The following SERPINB12 variants were observed in gnomAD, a reference collection of about 807,000 sequenced individuals.
SERPINB12 encodes the protein serpin family B member 12.
In SERPINB12, 57 loss-of-function variants were observed where a neutral mutation model predicts 41.1. The ratio of observed to expected loss-of-function variants is 1.39; its 90% CI spans 1.12 to 1.73. SERPINB12 has a LOEUF of 1.73. SERPINB12 is among the 40% of genes most tolerant of loss of function. The pLI is 0.00. For missense variants in SERPINB12, 536 were observed against 501.9 expected (o/e 1.07, Z -0.65); for synonymous variants, 180 against 181.3 (o/e 0.99, Z 0.06).
chr18:63,557,733 G>A (rs1015961010), intron 2 of SERPINB12, among the ~76,000 whole-genome samples: 1 of 152,154 alleles, frequency 6.6e-6, no homozygotes, highest in Non-Finnish European at 1.5e-5. Flanking sequence ...AGGATATGAC[G>A]CCTGTCTCCT....
At chr18:63,558,082 C>T (rs1910738366) in intron 2 of SERPINB12, among the ~76,000 whole-genome samples, 1 of 151,944 alleles carries the variant, frequency 6.6e-6, no homozygotes, top group African/African-American at 2.4e-5. Context: ...TGAAATGCTC[C>T]ATAGTTACAT....
At chr18:63,561,262 T>A in intron 5 of SERPINB12, 60 bp downstream of exon 5, 1 of 998,042 alleles carries the variant, frequency 1.0e-6, no homozygotes, top group Non-Finnish European at 1.6e-6. Flanking sequence ...AAAATTGGTC[T>A]GCCTAGCTTT....
At chr18:63,561,408 C>T (rs550012216) in intron 5 of SERPINB12, among the ~76,000 whole-genome samples, 4 of 152,222 alleles carry the variant, frequency 2.6e-5, no homozygotes, top group African/African-American at 9.6e-5. Flanking sequence ...CAGATTCTGT[C>T]AAGGCTTCAG....
the SERPINB12 span, among the ~76,000 whole-genome samples, chr18:63,532,357 G>C: frequency 6.6e-6 from 1 of 152,164 alleles, no homozygotes; most frequent in Non-Finnish European, 1.5e-5. Context: ...GGCCACGTAG[G>C]TTATAGTAAG....
At chr18:63,531,977 A>T in the SERPINB12 span, among the ~76,000 whole-genome samples, 1 of 152,182 alleles carries the variant, frequency 6.6e-6, no homozygotes, top group South Asian at 2.1e-4. Context: ...ATTCCCACTG[A>T]TTTAAATAGT....
chr18:63,567,344 G>A lies in SERPINB12; in HGVS notation c.*333G>A, dbSNP rs1013075150. On this transcript the variant is annotated 3_prime_UTR_variant, in exon 8 of 8. Coordinates refer to ENST00000382768, the MANE Select transcript of SERPINB12 (RefSeq NM_001307928.2). ...GTCATTAGACCATTTCTAAGAGATGGCAAACTCAGAAGCCACTTTAACATG... is the reference window on the plus strand; with the variant it reads ...GTCATTAGACCATTTCTAAGAGATGACAAACTCAGAAGCCACTTTAACATG... Among the ~76,000 whole-genome samples the A allele has an allele frequency of 2.0e-5, 3 of 152,168 alleles. No homozygotes were observed. The highest frequency in any genetic ancestry group is 4.4e-5 in the Non-Finnish European group (3 of 68,042).
the SERPINB12 span, among the ~76,000 whole-genome samples, chr18:63,532,539 C>A: frequency 6.6e-6 from 1 of 152,090 alleles, no homozygotes; most frequent in African/African-American, 2.4e-5. Flanking sequence ...GACTGTATGT[C>A]TATAGGAGCA....
At chr18:63,560,023 G>A (rs1420488631) in intron 4 of SERPINB12, among the ~76,000 whole-genome samples, 1 of 152,174 alleles carries the variant, frequency 6.6e-6, no homozygotes, top group Non-Finnish European at 1.5e-5. Context: ...TCTCCTGACT[G>A]TCTTCCCCAG....
At chr18:63,565,682 A>G in intron 7 of SERPINB12, 70 bp downstream of exon 7, 2 of 1,341,544 alleles carry the variant, frequency 1.5e-6, no homozygotes, top group Middle Eastern at 1.9e-4. Flanking sequence ...ACTGTCTACT[A>G]TCTACCATCT....
At position 63,558,357 on chromosome 18, in the gene SERPINB12, A is replaced by G. The variant is rs147295290; in HGVS notation, c.174A>G (p.Leu58=). The G allele has an allele frequency of 3.1e-6, 5 of 1,613,534 alleles. No homozygotes were observed. Among genetic ancestry groups the G allele is most frequent in the Admixed American group, 1.7e-5 (1 of 59,924 alleles). The part of the protein sequence containing the change: ...SDSAHQIDEV[L]HFNEFSQNES... Reference sequence around the variant, plus strand: ...CCCATCCCGTTATCATGCAGGTACTACACTTCAACGAATTTTCCCAGAATG... The same window carrying G: ...CCCATCCCGTTATCATGCAGGTACTGCACTTCAACGAATTTTCCCAGAATG... The change falls in exon 3 of 8, where the codon CTA becomes CTG. Residue 58 remains leucine, a synonymous_variant. Coordinates refer to ENST00000382768, the MANE Select transcript of SERPINB12 (RefSeq NM_001307928.2).
rs1312211207 is a variant in SERPINB12 at position 63,558,501 on chromosome 18, T to A, written c.303+15T>A. On this transcript the variant is annotated intron_variant, in intron 3 of 7. Coordinates refer to ENST00000382768, the MANE Select transcript of SERPINB12 (RefSeq NM_001307928.2). The stretch of plus-strand genomic sequence containing the variant: ...TGGATCAGCAGGTGAACCGCCACCG[T>A]AGAAAACTCTTGCCTTTCTTTTTTA... 2 of 1,597,410 alleles carry A rather than the reference T, an allele frequency of 1.3e-6. No homozygotes were observed. The highest frequency in any genetic ancestry group is 1.7e-6 in the Non-Finnish European group (2 of 1,175,154).
chr18:63,560,955 G>A (rs901680033), intron 4 of SERPINB12, 130 bp from the exon 5 acceptor site: 5 of 678,154 alleles, frequency 7.4e-6, no homozygotes, highest in African/African-American at 5.4e-5. Context: ...AAACTGTCAG[G>A]CCTGTCCATG....
chr18:63,535,878 TA>T, the SERPINB12 span, among the ~76,000 whole-genome samples: 3 of 152,070 alleles, frequency 2.0e-5, no homozygotes, highest in African/African-American at 7.2e-5. Context: ...CACATGCATA[TA>T]TATATGTATT....
intron 3 of SERPINB12, 138 bp from the exon 4 acceptor site, chr18:63,559,440 C>A: frequency 1.2e-6 from 1 of 818,444 alleles, no homozygotes; most frequent in Non-Finnish European, 1.9e-6. Context: ...GCTCACTTCC[C>A]CCAGCATGGT....
At chr18:63,548,549 G>T (rs1432366232) in intron 1 of SERPINB12, among the ~76,000 whole-genome samples, 1 of 151,770 alleles carries the variant, frequency 6.6e-6, no homozygotes, top group African/African-American at 2.4e-5. Flanking sequence ...TAAAACAGGG[G>T]AAATTTTTTT....
chr18:63,524,443 C>G, the SERPINB12 span, among the ~76,000 whole-genome samples: 1 of 152,002 alleles, frequency 6.6e-6, no homozygotes, highest in African/African-American at 2.4e-5. Context: ...GTGCACACCA[C>G]CATGCCCGGC....
At position 63,566,997 on chromosome 18, in the gene SERPINB12, G is replaced by T. The variant is rs771263054; in HGVS notation, c.1264G>T (p.Val422Phe). The change falls in exon 8 of 8, where the codon GTC (valine) becomes TTC (phenylalanine). Residue 422 changes from valine (V) to phenylalanine (F), a missense_variant. By Grantham distance (50) the Val-to-Phe change is conservative. Transcript: ENST00000382768. ...CCAAACCATTCTCTTTTATGGCAGG[G>T]TCTGCTCTCCTTAAAAGGGGAGCAG... ...KTQTILFYGR[V>F]CSP 46 of 1,590,526 alleles carry T rather than the reference G, an allele frequency of 2.9e-5. No homozygotes were observed. The highest frequency in any genetic ancestry group is 3.9e-5 in the Non-Finnish European group (46 of 1,170,882).
rs147647991 is a variant in SERPINB12, at chr18:63,544,337, A to G, written c.-19+1845A>G. 2.1e-3 allele frequency among the ~76,000 whole-genome samples: 327 copies of G among 152,332 alleles called. 3 individuals are homozygous for G. Among genetic ancestry groups the G allele is most frequent in the African/African-American group, 7.3e-3 (304 of 41,582 alleles). On this transcript the variant is annotated intron_variant, in intron 1 of 7. Coordinates refer to ENST00000382768, the MANE Select transcript of SERPINB12 (RefSeq NM_001307928.2). Reference sequence around the variant, plus strand: ...GGAAGAAATAGATAATGTTATAAAGATTTGGCTAAGAAAATAAAGCTTTGT... The same window carrying G: ...GGAAGAAATAGATAATGTTATAAAGGTTTGGCTAAGAAAATAAAGCTTTGT...
chr18:63,564,417 C>G (rs1164957645), intron 6 of SERPINB12, among the ~76,000 whole-genome samples: 1 of 152,198 alleles, frequency 6.6e-6, no homozygotes, highest in African/African-American at 2.4e-5. Context: ...TAGCTGGATT[C>G]ATGCATTAGG....
Sources: allele counts gnomAD v4.1 joint callset (sites outside exome capture counted in the v4.1 genomes callset), GRCh38; gene constraint gnomAD v4.1.1; transcripts MANE v1.5; gene names NCBI Gene and HGNC (gene_info 2026-07-23, HGNC 2026-07-21).